Variants in ABCC2 observed in about 807,000 individuals in gnomAD.
The protein encoded by ABCC2 is ATP-binding cassette sub-family C member 2.
ABCC2 carries 157 observed loss-of-function variants against 173.4 expected under a neutral mutation model. That is an observed-to-expected ratio of 0.91 (90% CI 0.80 to 1.03). The LOEUF (loss-of-function observed/expected upper bound fraction) is 1.03. Ranked by LOEUF, ABCC2 falls within the 50% of genes least tolerant of loss-of-function variation. ABCC2 has a pLI of 0.00. For synonymous variants in ABCC2, 657 were observed against 693.5 expected (o/e 0.95, Z 0.83); for missense variants, 1,822 against 1,852.3 (o/e 0.98, Z 0.30).
chr10:99,850,763 C>T lies in ABCC2; in HGVS notation c.4475C>T (p.Ala1492Val), dbSNP rs1479621417. 4 of 1,614,168 alleles carry T rather than the reference C, an allele frequency of 2.5e-6. No individual in the cohort carries two copies. Among genetic ancestry groups the T allele is most frequent in the South Asian group, 1.1e-5 (1 of 91,084 alleles). The change falls in exon 31 of 32, where the codon GCC (alanine) becomes GTC (valine). Residue 1492 changes from alanine (A) to valine (V), a missense_variant. Physicochemically the swap from Ala to Val is moderately conservative, Grantham distance 64. Transcript: ENST00000647814. The stretch of plus-strand genomic sequence containing the variant: ...GCCCACTGCACAGTGATCACCATCG[C>T]CCACAGGCTGCACACCATCATGGAC... ...EFAHCTVITI[A>V]HRLHTIMDSD...
chr10:99,783,372 GTT>G (rs2037648885), intron 1 of ABCC2, among the ~76,000 whole-genome samples: 1 of 152,178 alleles, frequency 6.6e-6, no homozygotes, highest in African/African-American at 2.4e-5. Context: ...AACAACTAGA[GTT>G]GGGTAATATT....
At position 99,817,425 on chromosome 10, in the gene ABCC2, G is replaced by A. The variant is rs775692370; in HGVS notation, c.2212G>A (p.Ala738Thr). 1.4e-5 allele frequency: 22 copies of A among 1,614,066 alleles called. No homozygotes were observed. Among genetic ancestry groups the A allele is most frequent in the Non-Finnish European group, 1.9e-5 (22 of 1,180,038 alleles). ...GTACCAGCAAGTACTGGAGGCCTGT[G>A]CTCTCCTCCCAGACTTGGAAATGCT... ...KRYQQVLEAC[A>T]LLPDLEMLPG... Residue 738 changes from alanine to threonine, a missense_variant, in exon 17 of 32, where the codon GCT becomes ACT. Physicochemically the swap from Ala to Thr is moderately conservative, Grantham distance 58 (BLOSUM62 0). Coordinates refer to ENST00000647814, the MANE Select transcript of ABCC2 (RefSeq NM_000392.5).
chr10:99,796,414 G>A (rs556664764), intron 6 of ABCC2, among the ~76,000 whole-genome samples: 3 of 152,266 alleles, frequency 2.0e-5, no homozygotes, highest in African/African-American at 7.2e-5. Context: ...TGAGGCAGGA[G>A]AATCGCTTGA....
At chr10:99,815,841 C>T (rs1305824838) in intron 16 of ABCC2, among the ~76,000 whole-genome samples, 7 of 152,160 alleles carry the variant, frequency 4.6e-5, no homozygotes, top group Non-Finnish European at 1.0e-4. Context: ...AAAAAACATG[C>T]GCTATAGCAG....
At chr10:99,807,740 A>G (rs1256072347) in intron 12 of ABCC2, among the ~76,000 whole-genome samples, 1 of 152,216 alleles carries the variant, frequency 6.6e-6, no homozygotes, top group Non-Finnish European at 1.5e-5. Flanking sequence ...TCTGGCTCCC[A>G]GAGCAACTTT....
rs145105011 is a variant in ABCC2, at chr10:99,831,691, G to T, written c.2964G>T (p.Met988Ile). Reference sequence around the variant, plus strand: ...TCTTCATCATCCTTGCGTTTGTGATGAATTCTGTGGCTTTTATTGGATCCA... The same window carrying T: ...TCTTCATCATCCTTGCGTTTGTGATTAATTCTGTGGCTTTTATTGGATCCA... ...SIFFIILAFV[M>I]NSVAFIGSNL... Residue 988 changes from methionine (M) to isoleucine (I), a missense_variant, in exon 22 of 32, where the codon ATG (methionine) becomes ATT (isoleucine). Physicochemically the swap from Met to Ile is conservative, Grantham distance 10. Coordinates refer to ENST00000647814, the MANE Select transcript of ABCC2 (RefSeq NM_000392.5). The T allele has an allele frequency of 1.6e-5, 26 of 1,614,100 alleles. No homozygotes were observed. The African/African-American group carries it at 3.2e-4, about 20-fold the overall frequency.
At chr10:99,835,996 C>G in intron 24 of ABCC2, 95 bp from the exon 25 acceptor site, 1 of 1,261,832 alleles carries the variant, frequency 7.9e-7, no homozygotes, top group Non-Finnish European at 1.2e-6. Flanking sequence ...CTGTGCCCAT[C>G]AAGGGGAAGA....
chr10:99,810,116 C>G lies in ABCC2; in HGVS notation c.1816-18C>G, dbSNP rs2038182837. On this transcript the variant is annotated intron_variant, in intron 13 of 31. Transcript: ENST00000647814. ...GTTACTGACTTTAATTCTTGAGATC[C>G]TTTGTGTCCTTCTCTAGGCCAGTGT... 1.9e-6 allele frequency: 3 copies of G among 1,609,696 alleles called. No homozygotes were observed. In the Admixed American group the frequency reaches 5.0e-5, roughly 27 times the overall value.
intron 19 of ABCC2, among the ~76,000 whole-genome samples, chr10:99,827,788 C>A (rs2038670302): frequency 6.7e-6 from 1 of 149,686 alleles, no homozygotes; most frequent in Non-Finnish European, 1.5e-5. Context: ...GGCATATTTA[C>A]TTTTAATTTT....
At chr10:99,847,243 C>G (rs2039031528) in intron 30 of ABCC2, 116 bp downstream of exon 30, 2 of 1,205,720 alleles carry the variant, frequency 1.7e-6, no homozygotes, top group Middle Eastern at 2.6e-4. Context: ...GGTCTGATTC[C>G]TAAAGTGTAA....
At position 99,810,746 on chromosome 10, in the gene ABCC2, C is replaced by T. The variant is rs148052377; in HGVS notation, c.1900+528C>T. On this transcript the variant is annotated intron_variant, in intron 14 of 31. Coordinates refer to ENST00000647814, the MANE Select transcript of ABCC2 (RefSeq NM_000392.5). ...GTTCTGAATAAAAAAGGACTTTAGC[C>T]GGGTGCGGTGGCTCATGCCTGTAAT... Among the ~76,000 whole-genome samples, 25 of 152,260 alleles carry T rather than the reference C, an allele frequency of 1.6e-4. No individual in the cohort carries two copies. In the South Asian group the frequency reaches 3.7e-3, roughly 23 times the overall value.
Position 99,845,727 on chromosome 10 carries a change from A to G in ABCC2, c.4091A>G (p.Asp1364Gly). 2 of 1,613,672 alleles carry G rather than the reference A, an allele frequency of 1.2e-6. No individual in the cohort carries two copies. Among genetic ancestry groups the G allele is most frequent in the Non-Finnish European group, 1.7e-6 (2 of 1,179,918 alleles). ...AGGQIIIDGV[D>G]IASIGLHDLR... ...GGTCAGATTATCATTGATGGAGTAG[A>G]TATTGCTTCCATTGGGCTCCACGAC... Residue 1364 changes from aspartate to glycine, a missense_variant, in exon 29 of 32, where the codon GAT (aspartate) becomes GGT (glycine). Asp to Gly is a moderately conservative substitution (Grantham distance 94). Transcript: ENST00000647814.
chr10:99,847,191 G>GT, intron 30 of ABCC2, 64 bp downstream of exon 30: 1 of 1,569,642 alleles, frequency 6.4e-7, no homozygotes, highest in Non-Finnish European at 8.8e-7. Flanking sequence ...CACTCCTCGT[G>GT]TTCCTCGTGT....
chr10:99,832,169 T>C (rs565915765), intron 23 of ABCC2, 38 bp downstream of exon 23: 1 of 1,613,650 alleles, frequency 6.2e-7, no homozygotes, highest in South Asian at 1.1e-5. Context: ...TGTGTTTATA[T>C]ACTGAGGATC....
intron 28 of ABCC2, 34 bp downstream of exon 28, chr10:99,844,499 C>A: frequency 2.5e-6 from 4 of 1,608,822 alleles, no homozygotes; most frequent in Non-Finnish European, 3.4e-6. Context: ...GGATGGGAGG[C>A]CTTGTGATCA....
chr10:99,814,370 TATATACAC>T (rs141951374), intron 16 of ABCC2, among the ~76,000 whole-genome samples: 15,640 of 48,146 alleles, frequency 0.32, 3,092 homozygotes, highest in South Asian at 0.36. Context: ...CACACATGTA[TATATACAC>T]ATATATACAT....
intron 26 of ABCC2, 69 bp downstream of exon 26, chr10:99,842,162 G>A (rs2038958680): frequency 3.7e-6 from 6 of 1,602,206 alleles, no homozygotes; most frequent in Non-Finnish European, 5.1e-6. Flanking sequence ...GATGTATACT[G>A]TGGAGTCTGT....
At chr10:99,808,923 G>A (rs942730093) in intron 13 of ABCC2, among the ~76,000 whole-genome samples, 8 of 152,212 alleles carry the variant, frequency 5.3e-5, no homozygotes, top group African/African-American at 1.9e-4. Flanking sequence ...CCTGGAGGGT[G>A]TAAAGAAAAG....
intron 6 of ABCC2, among the ~76,000 whole-genome samples, chr10:99,795,891 G>A (rs1386861465): frequency 4.6e-5 from 7 of 152,224 alleles, no homozygotes; most frequent in Non-Finnish European, 1.0e-4. Context: ...TGTAATCCTA[G>A]CACTTTGGGA....
Sources: allele counts gnomAD v4.1 joint callset (sites outside exome capture counted in the v4.1 genomes callset), GRCh38; gene constraint gnomAD v4.1.1; transcripts MANE v1.5; gene names NCBI Gene and HGNC (gene_info 2026-07-23, HGNC 2026-07-21).